The following ASXL1 variants were observed in gnomAD, a reference collection of about 807,000 sequenced individuals.
The protein encoded by ASXL1 is ASXL transcriptional regulator 1, also known as polycomb group protein ASXL1.
ASXL1 carries 65 observed loss-of-function variants against 89.1 expected under a neutral mutation model. That is an observed-to-expected ratio of 0.73 (90% CI 0.60 to 0.90). The LOEUF (loss-of-function observed/expected upper bound fraction) is 0.90. Among genes scored for constraint, ASXL1 ranks in the 40% least tolerant of loss-of-function variants. ASXL1 has a pLI of 0.00. For missense variants in ASXL1, 1,786 were observed against 1,942.9 expected, an observed-to-expected ratio of 0.92 and a Z score of 1.52; for synonymous variants, 739 against 746.9, an observed-to-expected ratio of 0.99 and a Z score of 0.17.
At position 32,429,934 on chromosome 20, in the gene ASXL1, G is replaced by T. The variant is rs2011467475; in HGVS notation, c.599G>T (p.Gly200Val). The stretch of plus-strand genomic sequence containing the variant: ...GGCTGCCACGCCGATGGCGAGAGCG[G>T]CAGCCCGTCCAGCAGCAGCAGCGGC... ...FSGCHADGES[G>V]SPSSSSSGSL... The change falls in exon 8 of 13, where the codon GGC becomes GTC. Residue 200 changes from glycine (G) to valine (V), a missense_variant. Gly to Val is a moderately radical substitution (Grantham distance 109). Around this residue, in one of 3 missense-constraint regions of ASXL1, gnomAD observed 332 missense variants for 449.7 expected, o/e 0.74. Transcript: ENST00000375687. This position sits in a 1 kb window ranked among gnomAD's most constrained non-coding sequence, Gnocchi z 4.9. 2 of 1,608,156 alleles carry T rather than the reference G, an allele frequency of 1.2e-6. No individual in the cohort carries two copies. Among genetic ancestry groups the T allele is most frequent in the Non-Finnish European group, 1.7e-6 (2 of 1,179,526 alleles).
At chr20:32,427,017 A>G (rs1358604365) in intron 4 of ASXL1, 2 of 152,212 alleles carry the variant, frequency 1.3e-5, no homozygotes, top group Non-Finnish European at 2.9e-5. Context: ...TAGCAGAATC[A>G]TGACTTTATC....
intron 4 of ASXL1, among the ~76,000 whole-genome samples, chr20:32,382,099 G>A (rs900085285): frequency 1.3e-5 from 2 of 151,886 alleles, no homozygotes; most frequent in African/African-American, 2.4e-5. Flanking sequence ...GGGATTACAG[G>A]CATGAGGCCA....
Position 32,431,367 on chromosome 20 carries a change from T to G in ASXL1, c.765T>G (p.Pro255=), listed in dbSNP as rs1245594957. 1 of 1,614,086 alleles carries G rather than the reference T, an allele frequency of 6.2e-7. No individual in the cohort carries two copies. Among genetic ancestry groups the G allele is most frequent in the Non-Finnish European group, 8.5e-7 (1 of 1,180,042 alleles). Reference sequence around the variant, plus strand: ...GGGAAGAAATAGATTTTGAGACACCTGGGTCCATTCTTGTCAACACCAACC... The same window carrying G: ...GGGAAGAAATAGATTTTGAGACACCGGGGTCCATTCTTGTCAACACCAACC... ...NRGEEIDFET[P]GSILVNTNLR... is the part of the protein sequence containing the mutation. The change falls in exon 9 of 13, where the codon CCT becomes CCG. Residue 255 remains proline (P), a synonymous_variant. Coordinates refer to ENST00000375687, the MANE Select transcript of ASXL1 (RefSeq NM_015338.6).
Position 32,435,472 on chromosome 20 carries a change from A to G in ASXL1, c.2760A>G (p.Pro920=). The part of the protein sequence containing the change: ...QPKPESREHI[P]SVEPQVGEEW... ...AACCAGAATCCAGAGAACACATACCATCTGTTGAGCCCCAGGTTGGAGAGG... is the reference window on the plus strand; with the variant it reads ...AACCAGAATCCAGAGAACACATACCGTCTGTTGAGCCCCAGGTTGGAGAGG... The change falls in exon 13 of 13, where the codon CCA becomes CCG. Residue 920 remains proline, a synonymous_variant. Coordinates refer to ENST00000375687, the MANE Select transcript of ASXL1 (RefSeq NM_015338.6). 1 of 1,614,014 alleles carries G rather than the reference A, an allele frequency of 6.2e-7. No homozygotes were observed. Among genetic ancestry groups the G allele is most frequent in the Non-Finnish European group, 8.5e-7 (1 of 1,180,012 alleles).
Position 32,436,141 on chromosome 20 carries a change from CCATGGCTCGCTACG to C in ASXL1, c.3435_3448del (p.Ser1146IlefsTer13), listed in dbSNP as rs764324048. ...AAGTACCACTTACAAAAGACCAGAGCCATGGCTCGCTACGCATGGGATCTTTACATGGTCTTGGA... is the reference window on the plus strand; with the variant it reads ...AAGTACCACTTACAAAAGACCAGAGCCATGGGATCTTTACATGGTCTTGGA... On this transcript the variant is annotated frameshift_variant, in exon 13 of 13. Transcript: ENST00000375687. LOFTEE classifies it high-confidence loss of function. The C allele has an allele frequency of 6.2e-7, 1 of 1,614,202 alleles. No individual in the cohort carries two copies. The highest frequency in any genetic ancestry group is 8.5e-7 in the Non-Finnish European group (1 of 1,180,042).
chr20:32,397,210 T>C (rs12480441), intron 4 of ASXL1, among the ~76,000 whole-genome samples: 7 of 127,256 alleles, frequency 5.5e-5, no homozygotes, highest in African/African-American at 2.1e-4. Flanking sequence ...ATGCCTGGCC[T>C]TTTTTTTTTT....
At position 32,427,681 on chromosome 20, in the gene ASXL1, C is replaced by T. The variant is rs376134704; in HGVS notation, c.253-447C>T. 1.3e-5 allele frequency: 3 copies of T among 226,620 alleles called. No homozygotes were observed. The East Asian group carries it at 3.2e-4, about 24-fold the overall frequency. 14.0% of individuals were successfully genotyped at this position (226,620 alleles called of 1,614,324 possible). ...CTTTTGGATGTGTTACTTCCCTGAT[C>T]GTTATTCACCTCCATGCCGTCTTTC... On this transcript the variant is annotated intron_variant, in intron 4 of 12. Coordinates refer to ENST00000375687, the MANE Select transcript of ASXL1 (RefSeq NM_015338.6).
intron 4 of ASXL1, among the ~76,000 whole-genome samples, chr20:32,386,724 T>C (rs1043155130): frequency 9.2e-5 from 14 of 151,868 alleles, no homozygotes; most frequent in Non-Finnish European, 1.6e-4. Flanking sequence ...GGCCCATTGT[T>C]ACTTCTGAAA....
Position 32,391,649 on chromosome 20 carries a change from C to CT in ASXL1, c.252+22527dup, listed in dbSNP as rs1170402781. On this transcript the variant is annotated intron_variant, in intron 4 of 12. Coordinates refer to ENST00000375687, the MANE Select transcript of ASXL1 (RefSeq NM_015338.6). ...AGAGTACAGGTGTGTGTCACCATGCCTGGCTAAGTTTTGATTTTTAGTAGA... is the reference window on the plus strand; with the variant it reads ...AGAGTACAGGTGTGTGTCACCATGCCTTGGCTAAGTTTTGATTTTTAGTAGA... Among the ~76,000 whole-genome samples, 3 of 152,164 alleles carry CT rather than the reference C, an allele frequency of 2.0e-5. No individual in the cohort carries two copies. In the East Asian group the frequency reaches 5.8e-4, roughly 29 times the overall value.
At chr20:32,390,697 T>C (rs1465204584) in intron 4 of ASXL1, among the ~76,000 whole-genome samples, 1 of 152,114 alleles carries the variant, frequency 6.6e-6, no homozygotes, top group Non-Finnish European at 1.5e-5. Flanking sequence ...CTGTATCCTT[T>C]TGTAGTCAGC....
In ASXL1 at chr20:32,358,693, C is replaced by T. The variant is rs2048054075; in HGVS notation, c.-83C>T. The T allele has an allele frequency of 5.8e-6, 4 of 692,078 alleles. No individual in the cohort carries two copies. The South Asian group carries it at 2.4e-4, about 41-fold the overall frequency. The allele number at this position is 692,078 out of a possible 1,614,324, so 42.9% of individuals were successfully genotyped here. ...TGCCACGCGCCCCCCCCACCGCCGC[C>T]GCCGCCCCAGCCCCGCGCCACCGCC... On this transcript the variant is annotated 5_prime_UTR_variant, in exon 1 of 13. Coordinates refer to ENST00000375687, the MANE Select transcript of ASXL1 (RefSeq NM_015338.6).
chr20:32,407,195 T>C (rs1215128646), intron 4 of ASXL1, among the ~76,000 whole-genome samples: 1 of 151,782 alleles, frequency 6.6e-6, no homozygotes, highest in Non-Finnish European at 1.5e-5. Context: ...TACAGAAAAA[T>C]TAGCTGGGTG....
rs1230351681 is a variant in ASXL1, at chr20:32,433,533, T to C, written c.1335T>C (p.Asp445=). ...AGGATGCAAAATCTGTGGCCTCAGA[T>C]GTTCCCCTCTACAAGGATGGGGAGG... ...VAKDAKSVAS[D]VPLYKDGEAK... The change falls in exon 12 of 13, where the codon GAT becomes GAC. Residue 445 remains aspartate (D), a synonymous_variant. Coordinates refer to ENST00000375687, the MANE Select transcript of ASXL1 (RefSeq NM_015338.6). 1 of 1,614,186 alleles carries C rather than the reference T, an allele frequency of 6.2e-7. No homozygotes were observed. The highest frequency in any genetic ancestry group is 8.5e-7 in the Non-Finnish European group (1 of 1,180,032).
At position 32,434,960 on chromosome 20, in the gene ASXL1, C is replaced by T. The variant is rs1218506765; in HGVS notation, c.2248C>T (p.Pro750Ser). The T allele has an allele frequency of 6.2e-7, 1 of 1,614,150 alleles. No homozygotes were observed. Among genetic ancestry groups the T allele is most frequent in the African/African-American group, 1.3e-5 (1 of 75,044 alleles). Residue 750 changes from proline (P) to serine (S), a missense_variant, in exon 13 of 13, where the codon CCC becomes TCC. By Grantham distance (74) the Pro-to-Ser change is moderately conservative. Transcript: ENST00000375687. ...TGGGCTAGGAGATGCCTCCCAACTC[C>T]CCGTTGCTCCCACTGGGGACCAGCC... ...TDGLGDASQL[P>S]VAPTGDQPCQ...
In ASXL1 at chr20:32,434,427, T is replaced by A. The variant is rs2011649418; in HGVS notation, c.1720-5T>A. 1 of 1,613,894 alleles carries A rather than the reference T, an allele frequency of 6.2e-7. No individual in the cohort carries two copies. The highest frequency in any genetic ancestry group is 8.5e-7 in the Non-Finnish European group (1 of 1,180,032). ...TAAAACTATTTTCTAATTCTTTTTTTGCAGATTCAACTTTCACGTATCAAA... is the reference window on the plus strand; with the variant it reads ...TAAAACTATTTTCTAATTCTTTTTTAGCAGATTCAACTTTCACGTATCAAA... On this transcript the variant is annotated splice_region_variant and splice_polypyrimidine_tract_variant and intron_variant, in intron 12 of 12. Transcript: ENST00000375687.
At chr20:32,401,559 C>A (rs1344274847) in intron 4 of ASXL1, among the ~76,000 whole-genome samples, 8 of 142,336 alleles carry the variant, frequency 5.6e-5, no homozygotes, top group Non-Finnish European at 1.2e-4. Flanking sequence ...TTCCCCCCCC[C>A]CCTTTTTTTT....
chr20:32,383,198 A>C (rs1265252823), intron 4 of ASXL1, among the ~76,000 whole-genome samples: 1 of 152,148 alleles, frequency 6.6e-6, no homozygotes, highest in Non-Finnish European at 1.5e-5. Flanking sequence ...TCTTCAATGA[A>C]AGTTCTTGTT....
chr20:32,432,467 T>C (rs2011548261), intron 10 of ASXL1: 1 of 259,076 alleles, frequency 3.9e-6, no homozygotes, highest in East Asian at 9.8e-5. Context: ...ATAAGCCGTA[T>C]TGTTTGCATA....
chr20:32,392,297 T>C (rs563966503), intron 4 of ASXL1, among the ~76,000 whole-genome samples: 123 of 150,282 alleles, frequency 8.2e-4, no homozygotes, highest in Middle Eastern at 3.4e-3. Context: ...TTTTTTTTTT[T>C]CCGAGATGGA....
Sources: gnomAD v4.1 joint callset for allele counts (sites outside exome capture counted in the v4.1 genomes callset) on GRCh38, gnomAD v4.1.1 for gene constraint, gnomAD v4.1.1 regional missense constraint, Gnocchi (gnomAD v3.1) non-coding constraint, MANE v1.5 for transcripts, NCBI Gene and HGNC (gene_info 2026-07-23, HGNC 2026-07-21) for gene names.